The following PIK3AP1 variants were observed in gnomAD, a reference collection of about 807,000 sequenced individuals.
The protein encoded by PIK3AP1 is phosphoinositide 3-kinase adapter protein 1.
In PIK3AP1, 21 loss-of-function variants were observed where a neutral mutation model predicts 88.1. The observed-to-expected ratio is 0.24, with a 90% CI of 0.17 to 0.34. The LOEUF (loss-of-function observed/expected upper bound fraction) is 0.34, where lower values mean the gene tolerates loss of function less well. Ranked by LOEUF, PIK3AP1 falls within the 10% of genes least tolerant of loss-of-function variation. The pLI, the probability that PIK3AP1 is intolerant of heterozygous loss-of-function variation, is 1.00. For synonymous variants in PIK3AP1, 398 were observed against 400.0 expected, an observed-to-expected ratio of 1.00 and a Z score of 0.06; for missense variants, 828 against 1,035.7, an observed-to-expected ratio of 0.80 and a Z score of 2.75.
intron 7 of PIK3AP1, among the ~76,000 whole-genome samples, chr10:96,647,799 G>A (rs1589512790): frequency 1.3e-5 from 2 of 152,204 alleles, no homozygotes; most frequent in South Asian, 2.1e-4. Context: ...AGCCCCATGC[G>A]AGAGGCTGAG....
chr10:96,681,121 C>T (rs1426177268), intron 2 of PIK3AP1, among the ~76,000 whole-genome samples: 2 of 152,108 alleles, frequency 1.3e-5, no homozygotes, highest in African/African-American at 4.8e-5. Context: ...CTCGGGCCTC[C>T]CTGCTTGGTT....
intron 2 of PIK3AP1, among the ~76,000 whole-genome samples, chr10:96,674,606 G>T (rs1359199583): frequency 1.3e-5 from 2 of 152,200 alleles, no homozygotes; most frequent in Non-Finnish European, 2.9e-5. Flanking sequence ...AATATAGTGA[G>T]AAATCAATAA....
At chr10:96,625,402 T>C (rs183478830) in intron 10 of PIK3AP1, among the ~76,000 whole-genome samples, 140 of 152,274 alleles carry the variant, frequency 9.2e-4, no homozygotes, top group Middle Eastern at 6.8e-3. Flanking sequence ...CTGCTGCTCA[T>C]GCCAAGGAGA....
At chr10:96,605,280 G>A (rs1029851421) in intron 14 of PIK3AP1, among the ~76,000 whole-genome samples, 3 of 151,994 alleles carry the variant, frequency 2.0e-5, no homozygotes, top group African/African-American at 7.3e-5. Flanking sequence ...GAACTTTCAG[G>A]GCATCTTTTA....
intron 2 of PIK3AP1, among the ~76,000 whole-genome samples, chr10:96,667,177 G>T (rs958683151): frequency 2.0e-5 from 3 of 152,176 alleles, no homozygotes; most frequent in Non-Finnish European, 4.4e-5. Flanking sequence ...CCAACCCAAG[G>T]CTGCACTCTC....
chr10:96,611,394 G>C (rs1290995346), intron 13 of PIK3AP1, among the ~76,000 whole-genome samples: 1 of 152,122 alleles, frequency 6.6e-6, no homozygotes, highest in Admixed American at 6.5e-5. Context: ...CTCTCATATG[G>C]GTAGCCCCCA....
chr10:96,600,933 C>A (rs1035704154), intron 16 of PIK3AP1, among the ~76,000 whole-genome samples: 7 of 152,148 alleles, frequency 4.6e-5, no homozygotes, highest in African/African-American at 1.4e-4. Context: ...TTTTCCGTTA[C>A]TCCACAAGAC....
chr10:96,633,100 G>A lies in PIK3AP1; in HGVS notation c.1376-4607C>T, dbSNP rs770732292. The stretch of plus-strand genomic sequence containing the variant: ...TTTCTCTCATAGCAACTCCAGAGGC[G>A]GAGCTTCCAGGGTCACCATGAGAGG... On this transcript the variant is annotated intron_variant, in intron 8 of 16. Coordinates refer to ENST00000339364, the MANE Select transcript of PIK3AP1 (RefSeq NM_152309.3). 2.0e-5 allele frequency: 30 copies of A among 1,532,314 alleles called. No individual in the cohort carries two copies. The Admixed American group carries it at 2.4e-4, about 12-fold the overall frequency. 94.9% of individuals were successfully genotyped at this position (1,532,314 alleles called of 1,614,324 possible).
rs1197448092 is a variant in PIK3AP1 at position 96,593,891 on chromosome 10, G to A, written c.*1686C>T. The A allele has an allele frequency of 6.6e-6, 1 of 152,212 alleles. No homozygotes were observed. The highest frequency in any genetic ancestry group is 1.5e-5 in the Non-Finnish European group (1 of 68,036). 9.4% of individuals were successfully genotyped at this position (152,212 alleles called of 1,614,324 possible). On this transcript the variant is annotated 3_prime_UTR_variant, in exon 17 of 17. Transcript: ENST00000339364. ...AGTATGAGTCCTTACTTGCAGGACT[G>A]AGGAATGAAATTGAGAAAGAACCTT...
chr10:96,658,523 A>ATAAGACC (rs1307516680), intron 2 of PIK3AP1, among the ~76,000 whole-genome samples: 1 of 152,136 alleles, frequency 6.6e-6, no homozygotes, highest in Non-Finnish European at 1.5e-5. Flanking sequence ...TGCTGTAACT[A>ATAAGACC]TAAGACCCTG....
chr10:96,670,890 A>T (rs905178997), intron 2 of PIK3AP1, among the ~76,000 whole-genome samples: 2 of 152,204 alleles, frequency 1.3e-5, no homozygotes, highest in Non-Finnish European at 2.9e-5. Flanking sequence ...CTGCCTCCAG[A>T]TGCATAAAAT....
At chr10:96,621,836 T>C (rs533601367) in intron 11 of PIK3AP1, 5 of 152,358 alleles carry the variant, frequency 3.3e-5, no homozygotes, top group South Asian at 2.1e-4. Context: ...GTCCTGTGTA[T>C]TGTAGGATGT....
intron 8 of PIK3AP1, chr10:96,633,057 CA>C: frequency 6.3e-7 from 1 of 1,596,360 alleles, no homozygotes; most frequent in African/African-American, 1.3e-5. Context: ...TGAAAAACCT[CA>C]TGTCCTACAA....
chr10:96,602,242 G>C (rs748322928), intron 16 of PIK3AP1, 38 bp downstream of exon 16: 218 of 1,496,948 alleles, frequency 1.5e-4, no homozygotes, highest in Non-Finnish European at 1.9e-4. Flanking sequence ...CTAGGATTCA[G>C]AGATAAGGGA....
At chr10:96,691,665 G>C (rs1215972417) in intron 2 of PIK3AP1, among the ~76,000 whole-genome samples, 1 of 152,152 alleles carries the variant, frequency 6.6e-6, no homozygotes, top group Non-Finnish European at 1.5e-5. Flanking sequence ...TCTACCAATA[G>C]AATGAATTAC....
In PIK3AP1 at chr10:96,602,310, G is replaced by T. The variant is rs1359075945; in HGVS notation, c.2330C>A (p.Pro777His). 3.1e-6 allele frequency: 5 copies of T among 1,607,686 alleles called. No homozygotes were observed. The South Asian group carries it at 5.6e-5, about 18-fold the overall frequency. ...GTPTMSLERP[P>H]RVPPRAASQR... ...TGAGGCAGCTCTCGGAGGCACCCTG[G>T]GGGGTCTCTCGAGGGACATGGTGGG... The change falls in exon 16 of 17, where the codon CCC becomes CAC. Residue 777 changes from proline (P) to histidine (H), a missense_variant. Pro to His is a moderately conservative substitution (Grantham distance 77, BLOSUM62 -2). Transcript: ENST00000339364.
At chr10:96,615,025 G>T (rs922137788) in intron 13 of PIK3AP1, among the ~76,000 whole-genome samples, 1 of 152,144 alleles carries the variant, frequency 6.6e-6, no homozygotes, top group African/African-American at 2.4e-5. Flanking sequence ...ACTCTGGAGA[G>T]AATGGCAGAG....
chr10:96,720,449 G>A lies in PIK3AP1; in HGVS notation c.-55C>T. Reference sequence around the variant, plus strand: ...CGCTGCGTGCCCGGGGCCGGGACCGGGGCCGGCGGCGTCCTGGCTCGGGCT... The same window carrying A: ...CGCTGCGTGCCCGGGGCCGGGACCGAGGCCGGCGGCGTCCTGGCTCGGGCT... On this transcript the variant is annotated 5_prime_UTR_variant, in exon 1 of 17. Coordinates refer to ENST00000339364, the MANE Select transcript of PIK3AP1 (RefSeq NM_152309.3). The surrounding 1 kb of genome is among the most constrained non-coding windows in gnomAD (Gnocchi z 4.6). The A allele has an allele frequency of 8.2e-7, 1 of 1,219,628 alleles. No homozygotes were observed. The highest frequency in any genetic ancestry group is 1.0e-6 in the Non-Finnish European group (1 of 978,232). The allele number at this position is 1,219,628 out of a possible 1,614,324, so 75.6% of individuals were successfully genotyped here.
chr10:96,608,215 C>G (rs1849035802), intron 14 of PIK3AP1, among the ~76,000 whole-genome samples: 1 of 152,192 alleles, frequency 6.6e-6, no homozygotes, highest in Non-Finnish European at 1.5e-5. Flanking sequence ...CCTTCCCCAC[C>G]CTGGGATGCA....
Sources: allele counts gnomAD v4.1 joint callset (sites outside exome capture counted in the v4.1 genomes callset), GRCh38; gene constraint gnomAD v4.1.1; non-coding constraint Gnocchi (gnomAD v3.1); transcripts MANE v1.5; gene names NCBI Gene and HGNC (gene_info 2026-07-23, HGNC 2026-07-21).